ARHGAP15: variants seen among roughly 807,000 people sequenced by gnomAD.
The protein encoded by ARHGAP15 is Rho GTPase activating protein 15, also known as rho GTPase-activating protein 15.
Under a neutral mutation model 63.7 loss-of-function variants are expected in ARHGAP15, and 51 were observed. The ratio of observed to expected loss-of-function variants is 0.80; its 90% CI spans 0.64 to 1.01. ARHGAP15 has a LOEUF of 1.01. Ranked by LOEUF, ARHGAP15 falls within the 50% of genes least tolerant of loss-of-function variation. The pLI is 0.00. For missense variants in ARHGAP15, 560 were observed against 564.6 expected (o/e 0.99, Z 0.08); for synonymous variants, 191 against 193.8 (o/e 0.99, Z 0.12).
intron 5 of ARHGAP15, among the ~76,000 whole-genome samples, chr2:143,247,701 G>A (rs868013307): frequency 6.6e-6 from 1 of 152,134 alleles, no homozygotes; most frequent in African/African-American, 2.4e-5. Context: ...GGAGTTCAGG[G>A]AGCCCAGCAC....
chr2:143,168,994 A>G (rs1690657471), intron 2 of ARHGAP15, among the ~76,000 whole-genome samples: 1 of 152,106 alleles, frequency 6.6e-6, no homozygotes. Context: ...CTTAATGGAT[A>G]GAGAAGCAGG....
chr2:143,484,645 T>A (rs982988414), intron 8 of ARHGAP15, among the ~76,000 whole-genome samples: 17 of 152,256 alleles, frequency 1.1e-4, no homozygotes, highest in Non-Finnish European at 2.4e-4. Context: ...GGTCAATTTG[T>A]GTTTATTTTT....
chr2:143,412,022 G>A (rs1688468880), intron 6 of ARHGAP15, among the ~76,000 whole-genome samples: 1 of 152,172 alleles, frequency 6.6e-6, no homozygotes, highest in Non-Finnish European at 1.5e-5. Flanking sequence ...AATATGATAG[G>A]CAAATGGTCA....
At chr2:143,417,265 T>C (rs912854353) in intron 6 of ARHGAP15, among the ~76,000 whole-genome samples, 6 of 152,174 alleles carry the variant, frequency 3.9e-5, no homozygotes, top group Non-Finnish European at 8.8e-5. Context: ...GTAATTTATC[T>C]GTGCCTGATG....
intron 6 of ARHGAP15, among the ~76,000 whole-genome samples, chr2:143,256,953 TGAA>T (rs1214605088): frequency 6.6e-6 from 1 of 152,128 alleles, no homozygotes; most frequent in Admixed American, 6.6e-5. Flanking sequence ...ATTCTGCAAA[TGAA>T]GAACATGCCT....
At chr2:143,190,692 C>T (rs1328414568) in intron 2 of ARHGAP15, among the ~76,000 whole-genome samples, 1 of 152,192 alleles carries the variant, frequency 6.6e-6, no homozygotes, top group East Asian at 1.9e-4. Context: ...CTGTTGCAGG[C>T]AGTCTTGACC....
chr2:143,286,588 C>T (rs573316353), intron 6 of ARHGAP15, among the ~76,000 whole-genome samples: 20 of 152,210 alleles, frequency 1.3e-4, no homozygotes, highest in Admixed American at 4.6e-4. Context: ...AAATGCACTG[C>T]TTCCTTTTAT....
chr2:143,679,605 C>G (rs979071625), intron 12 of ARHGAP15, among the ~76,000 whole-genome samples: 1 of 151,884 alleles, frequency 6.6e-6, no homozygotes, highest in Non-Finnish European at 1.5e-5. Flanking sequence ...CCAACTCTGT[C>G]CTTTTTTATA....
At chr2:143,463,791 T>C (rs1296374616) in intron 8 of ARHGAP15, among the ~76,000 whole-genome samples, 1 of 152,178 alleles carries the variant, frequency 6.6e-6, no homozygotes, top group Non-Finnish European at 1.5e-5. Flanking sequence ...CTCTAAAAAT[T>C]TCTTCACAGC....
chr2:143,515,284 A>T (rs1389047856), intron 9 of ARHGAP15, among the ~76,000 whole-genome samples: 1 of 150,506 alleles, frequency 6.6e-6, no homozygotes, highest in Admixed American at 6.7e-5. Context: ...AACCACAATC[A>T]CTTCCTAATG....
intron 13 of ARHGAP15, among the ~76,000 whole-genome samples, chr2:143,721,560 CAAGAG>C (rs774260000): frequency 1.3e-5 from 2 of 152,132 alleles, no homozygotes; most frequent in Non-Finnish European, 2.9e-5. Context: ...CAAGATGAAT[CAAGAG>C]AAGACAAGAT....
At position 143,248,718 on chromosome 2, in the gene ARHGAP15, A is replaced by C. The variant is rs1694147858; in HGVS notation, c.385-1793A>C. 2.0e-5 allele frequency among the ~76,000 whole-genome samples: 3 copies of C among 152,116 alleles called. No homozygotes were observed. In the South Asian group the frequency reaches 6.2e-4, roughly 32 times the overall value. On this transcript the variant is annotated intron_variant, in intron 5 of 13. Transcript: ENST00000295095. ...GTTAGCCACAGTGCTGGGCCCTAGA[A>C]CTCCAGAGGCAAGGAAAATACGGAA...
intron 13 of ARHGAP15, among the ~76,000 whole-genome samples, 197 bp from the exon 14 acceptor site, chr2:143,767,792 T>C (rs2072971324): frequency 1.3e-5 from 2 of 152,172 alleles, no homozygotes; most frequent in Admixed American, 1.3e-4. Context: ...GGGTAAAAAG[T>C]TGGACAAGGC....
At chr2:143,582,804 A>G (rs946519957) in intron 11 of ARHGAP15, among the ~76,000 whole-genome samples, 1 of 152,210 alleles carries the variant, frequency 6.6e-6, no homozygotes, top group African/African-American at 2.4e-5. Flanking sequence ...AACACTTCTC[A>G]TACCAGCTTG....
At position 143,235,832 on chromosome 2, in the gene ARHGAP15, C is replaced by T; in HGVS notation, c.384+7164C>T. 6 of 1,285,468 alleles carry T rather than the reference C, an allele frequency of 4.7e-6. No individual in the cohort carries two copies. The South Asian group carries it at 8.4e-5, about 18-fold the overall frequency. The allele number at this position is 1,285,468 out of a possible 1,614,324, so 79.6% of individuals were successfully genotyped here. ...TCTTCTCAGGCCTTGACTCACACTCCTTGTATTTTTCAGGTACACTTTCCT... is the reference window on the plus strand; with the variant it reads ...TCTTCTCAGGCCTTGACTCACACTCTTTGTATTTTTCAGGTACACTTTCCT... On this transcript the variant is annotated intron_variant, in intron 5 of 13. Coordinates refer to ENST00000295095, the MANE Select transcript of ARHGAP15 (RefSeq NM_018460.4).
intron 9 of ARHGAP15, among the ~76,000 whole-genome samples, chr2:143,508,520 T>C (rs4233565): frequency 0.52 from 79,649 of 152,098 alleles, 22,182 homozygotes; most frequent in East Asian, 0.78. Context: ...AAAATACTCA[T>C]AGATGGTTAG....
intron 2 of ARHGAP15, among the ~76,000 whole-genome samples, chr2:143,199,176 T>G (rs1692005139): frequency 6.6e-6 from 1 of 152,184 alleles, no homozygotes; most frequent in Non-Finnish European, 1.5e-5. Flanking sequence ...GTGTGAATTT[T>G]GGGTTTCTAC....
intron 6 of ARHGAP15, among the ~76,000 whole-genome samples, chr2:143,379,485 A>ATGTGTGTGTGTG (rs1234683861): frequency 7.8e-5 from 7 of 90,094 alleles, no homozygotes; most frequent in East Asian, 6.3e-4. Flanking sequence ...TTAGGCATAT[A>ATGTGTGTGTGTG]TATGTGTGTG....
intron 6 of ARHGAP15, among the ~76,000 whole-genome samples, chr2:143,403,892 T>A (rs1574399671): frequency 6.6e-6 from 1 of 150,850 alleles, no homozygotes; most frequent in African/African-American, 2.4e-5. Context: ...CATGCAAGAC[T>A]CTCGGGAGCT....
Sources: allele counts gnomAD v4.1 joint callset (sites outside exome capture counted in the v4.1 genomes callset), GRCh38; gene constraint gnomAD v4.1.1; transcripts MANE v1.5; gene names NCBI Gene and HGNC (gene_info 2026-07-23, HGNC 2026-07-21).